CHN1: variants seen among roughly 807,000 people sequenced by gnomAD.
CHN1 encodes the protein N-chimaerin.
CHN1 carries 37 observed loss-of-function variants against 59.5 expected under a neutral mutation model. That is an observed-to-expected ratio of 0.62 (90% confidence interval 0.48 to 0.82). The LOEUF is 0.82. Among genes scored for constraint, CHN1 ranks in the 40% least tolerant of loss-of-function variants. The pLI, the probability that CHN1 is intolerant of heterozygous loss-of-function variation, is 0.00. For missense variants in CHN1, 469 were observed against 571.0 expected (o/e 0.82, Z 1.82); for synonymous variants, 206 against 200.4 (o/e 1.03, Z -0.24).
At chr2:174,828,888 A>G (rs965106377) in intron 7 of CHN1, among the ~76,000 whole-genome samples, 2 of 152,174 alleles carry the variant, frequency 1.3e-5, no homozygotes, top group South Asian at 4.1e-4. Context: ...TCCTCTGGGT[A>G]TGGTTCCTGA....
chr2:174,885,287 A>G (rs1036598665), intron 5 of CHN1, among the ~76,000 whole-genome samples: 11 of 150,968 alleles, frequency 7.3e-5, no homozygotes, highest in Non-Finnish European at 1.6e-4. Flanking sequence ...AAAAAAGAAA[A>G]AAAAATATAT....
At chr2:174,835,963 G>A (rs909967978) in intron 7 of CHN1, among the ~76,000 whole-genome samples, 1 of 152,126 alleles carries the variant, frequency 6.6e-6, no homozygotes, top group African/African-American at 2.4e-5. Flanking sequence ...CCACATATAT[G>A]CAGATAAGTC....
chr2:174,977,061 G>C (rs1007682106), intron 1 of CHN1, among the ~76,000 whole-genome samples: 2 of 152,114 alleles, frequency 1.3e-5, no homozygotes, highest in Non-Finnish European at 2.9e-5. Flanking sequence ...GTCAATTCTT[G>C]AGTTTGATGA....
intron 1 of CHN1, among the ~76,000 whole-genome samples, chr2:174,993,395 T>C (rs922906927): frequency 6.6e-6 from 1 of 150,430 alleles, no homozygotes; most frequent in African/African-American, 2.4e-5. Flanking sequence ...TTAGAATAAG[T>C]TTTTCTTTAA....
At chr2:174,942,931 G>A (rs1689708978) in intron 3 of CHN1, among the ~76,000 whole-genome samples, 1 of 151,876 alleles carries the variant, frequency 6.6e-6, no homozygotes, top group South Asian at 2.1e-4. Context: ...CATGCCTGTA[G>A]TCCCAGCTAC....
chr2:174,943,523 C>A (rs1193632), intron 3 of CHN1, among the ~76,000 whole-genome samples: 63,822 of 151,922 alleles, frequency 0.42, 13,698 homozygotes, highest in Admixed American at 0.51. Context: ...TCATGCCCAG[C>A]TGGGTTTGCT....
intron 6 of CHN1, among the ~76,000 whole-genome samples, chr2:174,857,977 ATAT>A (rs1405663565): frequency 6.6e-6 from 1 of 152,178 alleles, no homozygotes; most frequent in African/African-American, 2.4e-5. Flanking sequence ...ACTCAGATTG[ATAT>A]TATTAGGAGT....
At chr2:174,884,206 C>T (rs181891961) in intron 5 of CHN1, among the ~76,000 whole-genome samples, 7 of 151,928 alleles carry the variant, frequency 4.6e-5, no homozygotes, top group South Asian at 2.1e-4. Flanking sequence ...CTCCTGACCT[C>T]GTGATCCACC....
At chr2:174,840,815 CACATGG>C (rs899508730) in intron 7 of CHN1, among the ~76,000 whole-genome samples, 30 of 152,150 alleles carry the variant, frequency 2.0e-4, no homozygotes, top group African/African-American at 7.0e-4. Context: ...TTCAGGGGCC[CACATGG>C]ACATGGAACA....
At chr2:174,918,169 GAATAA>G (rs1047616698) in intron 4 of CHN1, among the ~76,000 whole-genome samples, 2 of 151,770 alleles carry the variant, frequency 1.3e-5, no homozygotes, top group African/African-American at 4.8e-5. Flanking sequence ...AAAATATATA[GAATAA>G]ATCACCCACA....
intron 5 of CHN1, among the ~76,000 whole-genome samples, chr2:174,878,528 A>G (rs562723733): frequency 3.3e-5 from 5 of 152,364 alleles, no homozygotes; most frequent in Admixed American, 3.3e-4. Context: ...GTTGATCAAT[A>G]AGAATATTCA....
At chr2:174,907,436 CT>C (rs1688572179) in intron 5 of CHN1, among the ~76,000 whole-genome samples, 1 of 152,246 alleles carries the variant, frequency 6.6e-6, no homozygotes. Context: ...GCCTCTATGA[CT>C]TTTCTTTCTA....
At chr2:174,962,024 C>T (rs966737014) in intron 1 of CHN1, among the ~76,000 whole-genome samples, 2 of 152,096 alleles carry the variant, frequency 1.3e-5, no homozygotes, top group African/African-American at 4.8e-5. Flanking sequence ...CGGTGGCTCA[C>T]GCCTGTAATC....
intron 8 of CHN1, among the ~76,000 whole-genome samples, chr2:174,819,889 C>T (rs1182912682): frequency 1.4e-5 from 2 of 143,090 alleles, no homozygotes; most frequent in African/African-American, 5.2e-5. Flanking sequence ...TGTTCAATTC[C>T]CATCTATGAG....
intron 3 of CHN1, among the ~76,000 whole-genome samples, chr2:174,944,622 C>T (rs372469496): frequency 7.0e-4 from 106 of 152,148 alleles, no homozygotes; most frequent in South Asian, 2.5e-3. Context: ...AATGAAAACA[C>T]AATGTATGAA....
chr2:174,928,780 T>C (rs1458499641), intron 3 of CHN1, among the ~76,000 whole-genome samples: 2 of 152,260 alleles, frequency 1.3e-5, no homozygotes, highest in Non-Finnish European at 2.9e-5. Context: ...CAGTTTTCCA[T>C]TGAAACACAT....
chr2:174,891,314 G>A (rs1346910197), intron 5 of CHN1, among the ~76,000 whole-genome samples: 3 of 151,960 alleles, frequency 2.0e-5, no homozygotes, highest in Non-Finnish European at 4.4e-5. Flanking sequence ...GCTCATGCCT[G>A]TAATCCCAGC....
intron 11 of CHN1, among the ~76,000 whole-genome samples, chr2:174,805,856 G>A (rs1684869596): frequency 6.6e-6 from 1 of 152,170 alleles, no homozygotes; most frequent in African/African-American, 2.4e-5. Flanking sequence ...TTCTCTTCCA[G>A]AGATTTCAAG....
Position 174,878,092 on chromosome 2 carries a change from G to A in CHN1, c.297C>T (p.Tyr99=), listed in dbSNP as rs35358913. 1.3e-5 allele frequency: 21 copies of A among 1,590,174 alleles called. No homozygotes were observed. The highest frequency in any genetic ancestry group is 1.7e-4 in the Middle Eastern group (1 of 5,962). The change falls in exon 6 of 13, where the codon TAC becomes TAT. Residue 99 remains tyrosine, a synonymous_variant. Transcript: ENST00000409900. Reference sequence around the variant, plus strand: ...TCTCCCCAACAAAGTGCTTGCCATCGTAGTAGAGCCTGAAGTTTCTGGTTT... The same window carrying A: ...TCTCCCCAACAAAGTGCTTGCCATCATAGTAGAGCCTGAAGTTTCTGGTTT... ...GSQTRNFRLY[Y]DGKHFVGEKR...
Sources: gnomAD v4.1 joint callset for allele counts (sites outside exome capture counted in the v4.1 genomes callset) on GRCh38, gnomAD v4.1.1 for gene constraint, MANE v1.5 for transcripts, NCBI Gene and HGNC (gene_info 2026-07-23, HGNC 2026-07-21) for gene names.